Variants in HIVEP2 observed in about 807,000 individuals in gnomAD.
The protein encoded by HIVEP2 is transcription factor HIVEP2.
Under a neutral mutation model 180.7 loss-of-function variants are expected in HIVEP2, and 14 were observed. The ratio of observed to expected loss-of-function variants is 0.08; its 90% CI spans 0.05 to 0.12. HIVEP2 has a LOEUF of 0.12. HIVEP2 is among the 10% of genes least tolerant of loss of function. The pLI, the probability that HIVEP2 is intolerant of heterozygous loss-of-function variation, is 1.00. For missense variants in HIVEP2, 2,579 were observed against 3,008.5 expected, an observed-to-expected ratio of 0.86 and a Z score of 3.34; for synonymous variants, 1,184 against 1,136.4, an observed-to-expected ratio of 1.04 and a Z score of -0.84.
chr6:142,798,778 C>T (rs1776338685), intron 2 of HIVEP2, among the ~76,000 whole-genome samples: 1 of 152,132 alleles, frequency 6.6e-6, no homozygotes, highest in South Asian at 2.1e-4. Context: ...GGTTATATAA[C>T]TAATTCTCCT....
At chr6:142,883,362 T>TA (rs1357922590) in intron 1 of HIVEP2, among the ~76,000 whole-genome samples, 1 of 151,984 alleles carries the variant, frequency 6.6e-6, no homozygotes, top group African/African-American at 2.4e-5. Flanking sequence ...GTCATCAGAT[T>TA]ATCAAAATGA....
intron 1 of HIVEP2, among the ~76,000 whole-genome samples, chr6:142,923,455 A>G (rs1259056355): frequency 6.6e-6 from 1 of 152,250 alleles, no homozygotes; most frequent in African/African-American, 2.4e-5. Context: ...CCATGATGTT[A>G]GCTACAGTCT....
chr6:142,925,667 A>AGAAGAAG (rs1315610867), intron 1 of HIVEP2, among the ~76,000 whole-genome samples: 1 of 152,180 alleles, frequency 6.6e-6, no homozygotes, highest in Non-Finnish European at 1.5e-5. Flanking sequence ...ACATCTCATA[A>AGAAGAAG]TCCTATGGGG....
In HIVEP2 at chr6:142,879,209, TA is replaced by T. The variant is rs1562276112; in HGVS notation, c.-640-42163del. Among the ~76,000 whole-genome samples, 7 of 152,296 alleles carry T rather than the reference TA, an allele frequency of 4.6e-5. No homozygotes were observed. In the South Asian group the frequency reaches 1.4e-3, roughly 32 times the overall value. ...CTTTTAGATCTTCACAGTAACCTAT[TA>T]AACGTGATGTTTTAAGAAGATGAGC... On this transcript the variant is annotated intron_variant, in intron 1 of 9. Transcript: ENST00000367603.
chr6:142,760,274 T>C lies in HIVEP2; in HGVS notation c.6014A>G (p.Lys2005Arg). 1 of 1,614,196 alleles carries C rather than the reference T, an allele frequency of 6.2e-7. No individual in the cohort carries two copies. The highest frequency in any genetic ancestry group is 8.5e-7 in the Non-Finnish European group (1 of 1,180,028). The part of the protein sequence containing the change: ...MTEYQRLFQS[K>R]STDSEPDKDR... ...TTTGTCTGGTTCTGAGTCCGTACTTTTGCTCTGGAATAGCCTCTGGTATTC... is the reference window on the plus strand; with the variant it reads ...TTTGTCTGGTTCTGAGTCCGTACTTCTGCTCTGGAATAGCCTCTGGTATTC... The change falls in exon 9 of 10, where the codon AAA becomes AGA. Residue 2005 changes from lysine (K) to arginine (R), a missense_variant. By Grantham distance (26) the Lys-to-Arg change is conservative. Transcript: ENST00000367603.
At chr6:142,907,099 CTG>C (rs947991109) in intron 1 of HIVEP2, among the ~76,000 whole-genome samples, 9 of 152,334 alleles carry the variant, frequency 5.9e-5, no homozygotes, top group African/African-American at 2.2e-4. Context: ...TGAAATGAAA[CTG>C]TGAATGGTCC....
chr6:142,886,448 G>C (rs774057913), intron 1 of HIVEP2, among the ~76,000 whole-genome samples: 1 of 152,114 alleles, frequency 6.6e-6, no homozygotes, highest in Non-Finnish European at 1.5e-5. Flanking sequence ...TTTCATATCA[G>C]AAAATGCTGG....
chr6:142,821,192 C>T (rs1293211948), intron 2 of HIVEP2, among the ~76,000 whole-genome samples: 1 of 151,828 alleles, frequency 6.6e-6, no homozygotes, highest in African/African-American at 2.4e-5. Flanking sequence ...TAAAGCCGAA[C>T]AGACTTTGAA....
At chr6:142,825,252 T>A (rs1371399029) in intron 2 of HIVEP2, among the ~76,000 whole-genome samples, 2 of 151,190 alleles carry the variant, frequency 1.3e-5, no homozygotes, top group East Asian at 3.9e-4. Flanking sequence ...GAGAAATAAT[T>A]TTAGAGGTTT....
intron 5 of HIVEP2, among the ~76,000 whole-genome samples, chr6:142,769,250 G>C (rs1775456940): frequency 6.6e-6 from 1 of 152,186 alleles, no homozygotes; most frequent in South Asian, 2.1e-4. Flanking sequence ...ACAAAGGTCA[G>C]AAGGAAAATA....
intron 1 of HIVEP2, among the ~76,000 whole-genome samples, chr6:142,844,633 A>C (rs1443595734): frequency 6.6e-6 from 1 of 152,180 alleles, no homozygotes; most frequent in African/African-American, 2.4e-5. Context: ...AATTTAGGCA[A>C]TGAATTACGG....
intron 2 of HIVEP2, among the ~76,000 whole-genome samples, chr6:142,788,961 A>G (rs1393811236): frequency 6.6e-6 from 1 of 152,170 alleles, no homozygotes; most frequent in African/African-American, 2.4e-5. Context: ...ACAGTTATCA[A>G]TGTTAGATTT....
At chr6:142,754,320 T>TA (rs35775809) in intron 9 of HIVEP2, among the ~76,000 whole-genome samples, 6 of 21,736 alleles carry the variant, frequency 2.8e-4, no homozygotes, top group Non-Finnish European at 5.2e-4. Flanking sequence ...ATTAATAATA[T>TA]TTTTTTTAAT....
At chr6:142,831,839 T>C (rs76793355) in intron 2 of HIVEP2, among the ~76,000 whole-genome samples, 1,833 of 152,254 alleles carry the variant, frequency 0.012, 17 homozygotes, top group Admixed American at 0.022. Flanking sequence ...ATCTCACAAA[T>C]ATAATTAAAA....
Position 142,773,152 on chromosome 6 carries a change from A to T in HIVEP2, c.1587T>A (p.Val529=), listed in dbSNP as rs1050082469. 1.9e-6 allele frequency: 3 copies of T among 1,614,066 alleles called. No individual in the cohort carries two copies. In the African/African-American group the frequency reaches 4.0e-5, roughly 22 times the overall value. Residue 529 remains valine (V), a synonymous_variant, in exon 5 of 10, where the codon GTT becomes GTA. Transcript: ENST00000367603. The stretch of plus-strand genomic sequence containing the variant: ...AAGAGTCTACAGGAGCTTCTAAGAG[A>T]ACCGGGTTGCTGCCTTGGAAGTTTG... ...YPANFQGSNP[V]LLEAPVDSSP...
chr6:142,755,895 AC>A (rs1229138831), intron 9 of HIVEP2, among the ~76,000 whole-genome samples: 41 of 151,796 alleles, frequency 2.7e-4, no homozygotes, highest in Admixed American at 2.4e-3. Flanking sequence ...CCTCTCATTC[AC>A]CCCTTCTTCA....
intron 1 of HIVEP2, among the ~76,000 whole-genome samples, chr6:142,932,189 T>C (rs1441776579): frequency 6.6e-6 from 1 of 152,222 alleles, no homozygotes; most frequent in Non-Finnish European, 1.5e-5. Flanking sequence ...ATAGTGACTC[T>C]TCTTTATATT....
intron 1 of HIVEP2, among the ~76,000 whole-genome samples, chr6:142,861,352 A>G (rs1267392613): frequency 6.6e-6 from 1 of 152,244 alleles, no homozygotes; most frequent in Non-Finnish European, 1.5e-5. Context: ...TGACATAGGT[A>G]CTAATGGCTT....
intron 1 of HIVEP2, among the ~76,000 whole-genome samples, chr6:142,923,679 T>C (rs76837634): frequency 0.015 from 2,226 of 152,196 alleles, 32 homozygotes; most frequent in African/African-American, 0.035. Flanking sequence ...TGACAGCAGA[T>C]CATTTAACCA....
Sources: gnomAD v4.1 joint callset for allele counts (sites outside exome capture counted in the v4.1 genomes callset) on GRCh38, gnomAD v4.1.1 for gene constraint, MANE v1.5 for transcripts, NCBI Gene and HGNC (gene_info 2026-07-23, HGNC 2026-07-21) for gene names.